The following OXCT1 variants were observed in gnomAD, a reference collection of about 807,000 sequenced individuals.
OXCT1 encodes succinyl-CoA:3-ketoacid coenzyme A transferase 1, mitochondrial.
In OXCT1, 27 loss-of-function variants were observed where a neutral mutation model predicts 69.6. That is an observed-to-expected ratio of 0.39 (90% CI 0.29 to 0.54). The LOEUF is 0.54. OXCT1 is among the 20% of genes least tolerant of loss of function. OXCT1 has a pLI of 0.72. For synonymous variants in OXCT1, 202 were observed against 217.8 expected, an observed-to-expected ratio of 0.93 and a Z score of 0.64; for missense variants, 437 against 650.2, an observed-to-expected ratio of 0.67 and a Z score of 3.57.
intron 12 of OXCT1, chr5:41,794,421 C>T (rs1249920207): frequency 1.2e-5 from 7 of 598,110 alleles, no homozygotes; most frequent in African/African-American, 5.6e-5. Context: ...TCAGAAAGCA[C>T]CTTAGAAATG....
intron 13 of OXCT1, among the ~76,000 whole-genome samples, chr5:41,766,101 C>A (rs542793131): frequency 3.9e-5 from 6 of 152,212 alleles, no homozygotes; most frequent in African/African-American, 1.4e-4. Context: ...AGCAAACATA[C>A]ATTTCTTAAA....
At chr5:41,854,969 C>T (rs768015397) in intron 3 of OXCT1, among the ~76,000 whole-genome samples, 3 of 152,182 alleles carry the variant, frequency 2.0e-5, no homozygotes, top group Non-Finnish European at 4.4e-5. Flanking sequence ...CATCACAAGA[C>T]ATGTGCAAGA....
chr5:41,857,056 A>T (rs1023836921), intron 3 of OXCT1, among the ~76,000 whole-genome samples: 1 of 152,014 alleles, frequency 6.6e-6, no homozygotes, highest in Non-Finnish European at 1.5e-5. Flanking sequence ...GCGATCTTTG[A>T]CTTCTCTCAC....
intron 5 of OXCT1, among the ~76,000 whole-genome samples, chr5:41,847,423 C>G (rs1447025934): frequency 1.3e-5 from 2 of 152,206 alleles, no homozygotes; most frequent in Non-Finnish European, 2.9e-5. Context: ...CTCCCTAACT[C>G]ATTTTATGAG....
At chr5:41,778,394 A>G (rs542712580) in intron 13 of OXCT1, among the ~76,000 whole-genome samples, 1 of 152,224 alleles carries the variant, frequency 6.6e-6, no homozygotes, top group Non-Finnish European at 1.5e-5. Context: ...GGGAGAGAGA[A>G]CGGTAAATGT....
At chr5:41,841,586 C>A (rs1748628444) in intron 6 of OXCT1, among the ~76,000 whole-genome samples, 1 of 152,198 alleles carries the variant, frequency 6.6e-6, no homozygotes, top group African/African-American at 2.4e-5. Flanking sequence ...AGTCAGTGCC[C>A]AGAATAGCCC....
At chr5:41,827,823 T>C (rs1170945166) in intron 7 of OXCT1, among the ~76,000 whole-genome samples, 1 of 152,100 alleles carries the variant, frequency 6.6e-6, no homozygotes, top group South Asian at 2.1e-4. Flanking sequence ...TTTAGAAAAC[T>C]GGTGGGGGAA....
chr5:41,801,803 T>C (rs889378126), intron 10 of OXCT1, among the ~76,000 whole-genome samples: 1 of 152,138 alleles, frequency 6.6e-6, no homozygotes, highest in Non-Finnish European at 1.5e-5. Context: ...TTTTTCCATA[T>C]ATTTTTATAA....
chr5:41,835,468 C>A (rs972356927), intron 7 of OXCT1, among the ~76,000 whole-genome samples: 6 of 152,100 alleles, frequency 3.9e-5, no homozygotes, highest in African/African-American at 7.2e-5. Context: ...TTCTATATGT[C>A]CATTAACCTC....
In OXCT1 at chr5:41,781,553, C is replaced by T. The variant is rs148053220; in HGVS notation, c.1248+12450G>A. Among the ~76,000 whole-genome samples the T allele has an allele frequency of 4.2e-3, 636 of 152,024 alleles. 3 individuals are homozygous for T. Among genetic ancestry groups the T allele is most frequent in the African/African-American group, 0.015 (610 of 41,438 alleles). On this transcript the variant is annotated intron_variant, in intron 13 of 16. Transcript: ENST00000196371. Reference sequence around the variant, plus strand: ...TGTTTTGCCACATAGATCATCCCATCACCTAGGTATTAAGCCCAGCATCCA... The same window carrying T: ...TGTTTTGCCACATAGATCATCCCATTACCTAGGTATTAAGCCCAGCATCCA...
intron 15 of OXCT1, 114 bp from the exon 16 acceptor site, chr5:41,739,605 C>A: frequency 2.6e-6 from 2 of 758,092 alleles, no homozygotes. Context: ...GTGGCTCAGG[C>A]CTATAATCCC....
At chr5:41,765,292 T>C (rs1403655930) in intron 13 of OXCT1, among the ~76,000 whole-genome samples, 3 of 152,066 alleles carry the variant, frequency 2.0e-5, no homozygotes, top group African/African-American at 7.2e-5. Context: ...CCTACAAAAA[T>C]CTCTTTCATG....
intron 13 of OXCT1, among the ~76,000 whole-genome samples, chr5:41,786,954 A>G (rs1410065462): frequency 6.6e-6 from 1 of 152,240 alleles, no homozygotes; most frequent in Non-Finnish European, 1.5e-5. Context: ...AACAAGAGAG[A>G]AAATGATTAA....
intron 10 of OXCT1, 113 bp from the exon 11 acceptor site, chr5:41,801,183 AC>A (rs1212299802): frequency 1.2e-6 from 1 of 840,898 alleles, no homozygotes; most frequent in African/African-American, 1.7e-5. Flanking sequence ...TCATCCGAAG[AC>A]TTGAGGTAAA....
rs150131421 is a variant in OXCT1, at chr5:41,828,159, G to A, written c.732+12292C>T. 3.4e-3 allele frequency among the ~76,000 whole-genome samples: 519 copies of A among 152,242 alleles called. 1 individual carries two copies. The highest frequency in any genetic ancestry group is 0.012 in the African/African-American group (490 of 41,536). Reference sequence around the variant, plus strand: ...TTTTGCTCTTGTTGCCTAGGCTGGAGTGCACTGGCAAAATCTCCTCTCACT... The same window carrying A: ...TTTTGCTCTTGTTGCCTAGGCTGGAATGCACTGGCAAAATCTCCTCTCACT... On this transcript the variant is annotated intron_variant, in intron 7 of 16. Transcript: ENST00000196371.
intron 13 of OXCT1, among the ~76,000 whole-genome samples, chr5:41,786,192 G>A (rs1489815734): frequency 6.6e-6 from 1 of 152,172 alleles, no homozygotes; most frequent in Non-Finnish European, 1.5e-5. Context: ...AGCAGCCGCT[G>A]CAGGAGGAAC....
At chr5:41,827,676 C>A (rs1032412667) in intron 7 of OXCT1, among the ~76,000 whole-genome samples, 2 of 152,098 alleles carry the variant, frequency 1.3e-5, no homozygotes, top group Non-Finnish European at 2.9e-5. Context: ...TTAAGAGGAT[C>A]GGTGCAAGAC....
At chr5:41,832,661 A>C (rs1748153560) in intron 7 of OXCT1, among the ~76,000 whole-genome samples, 1 of 152,090 alleles carries the variant, frequency 6.6e-6, no homozygotes, top group Admixed American at 6.5e-5. Context: ...GACCTCACCA[A>C]ACAAAATAAG....
chr5:41,756,560 T>C (rs1454770901), intron 14 of OXCT1, among the ~76,000 whole-genome samples: 1 of 152,148 alleles, frequency 6.6e-6, no homozygotes, highest in Non-Finnish European at 1.5e-5. Flanking sequence ...TTGGAAAAGT[T>C]AGAAGTGCTT....
Sources: allele counts gnomAD v4.1 joint callset (sites outside exome capture counted in the v4.1 genomes callset), GRCh38; gene constraint gnomAD v4.1.1; transcripts MANE v1.5; gene names NCBI Gene and HGNC (gene_info 2026-07-23, HGNC 2026-07-21).